Variants in COL22A1 observed in about 807,000 individuals in gnomAD.
The protein encoded by COL22A1 is collagen alpha-1(XXII) chain.
Under a neutral mutation model 248.9 loss-of-function variants are expected in COL22A1, and 221 were observed. That is an observed-to-expected ratio of 0.89 (90% CI 0.80 to 0.99). The LOEUF (loss-of-function observed/expected upper bound fraction) is 0.99, where lower values mean the gene tolerates loss of function less well. Ranked by LOEUF, COL22A1 falls within the 50% of genes least tolerant of loss-of-function variation. COL22A1 has a pLI of 0.00. For synonymous variants in COL22A1, 891 were observed against 793.4 expected, an observed-to-expected ratio of 1.12 and a Z score of -2.07; for missense variants, 2,240 against 2,179.0, an observed-to-expected ratio of 1.03 and a Z score of -0.56.
intron 63 of COL22A1, 30 bp from the exon 64 acceptor site, chr8:138,591,531 T>G: frequency 6.7e-7 from 1 of 1,499,450 alleles, no homozygotes; most frequent in Non-Finnish European, 9.0e-7. Context: ...CTTTTGATGG[T>G]GGAGACCCCC....
In COL22A1 at chr8:138,646,658, G is replaced by A. The variant is rs974638459; in HGVS notation, c.3472C>T (p.Pro1158Ser). 5 of 1,582,610 alleles carry A rather than the reference G, an allele frequency of 3.2e-6. No individual in the cohort carries two copies. In the Admixed American group the frequency reaches 8.9e-5, roughly 28 times the overall value. Residue 1158 changes from proline to serine, a missense_variant, in exon 47 of 65, where the codon CCA (proline) becomes TCA (serine). Coordinates refer to ENST00000303045, the MANE Select transcript of COL22A1 (RefSeq NM_152888.3). ...KKGEAGPPGL[P>S]GPPGIAGPQG... ...GGTCCAGCTATTCCTGGGGGCCCTG[G>A]TAGGCCTGGAGGCCCAGCCTCTCCC...
intron 16 of COL22A1, among the ~76,000 whole-genome samples, chr8:138,764,656 T>C (rs1833777731): frequency 6.6e-6 from 1 of 152,232 alleles, no homozygotes; most frequent in Non-Finnish European, 1.5e-5. Context: ...TCAATCACAA[T>C]TATACACTAA....
intron 16 of COL22A1, 122 bp from the exon 17 acceptor site, chr8:138,762,588 G>GAA: frequency 1.8e-6 from 1 of 551,050 alleles, no homozygotes. Flanking sequence ...AAACGCACGT[G>GAA]CACACACACA....
intron 16 of COL22A1, among the ~76,000 whole-genome samples, chr8:138,765,400 G>A (rs1833838024): frequency 6.6e-6 from 1 of 152,160 alleles, no homozygotes; most frequent in African/African-American, 2.4e-5. Context: ...GAAACTTAGC[G>A]GTGGTACCAG....
intron 14 of COL22A1, among the ~76,000 whole-genome samples, chr8:138,779,013 C>A (rs764219900): frequency 6.6e-6 from 1 of 152,190 alleles, no homozygotes; most frequent in Non-Finnish European, 1.5e-5. Context: ...TTTAATCTAT[C>A]CTACTGCAAT....
At chr8:138,820,103 T>C (rs1266486600) in intron 7 of COL22A1, among the ~76,000 whole-genome samples, 1 of 149,584 alleles carries the variant, frequency 6.7e-6, no homozygotes, top group Non-Finnish European at 1.5e-5. Flanking sequence ...TAAAAAAAAA[T>C]AAAAGCTTAG....
rs142943441 is a variant in COL22A1, at chr8:138,796,848, G to T, written c.1567C>A (p.Pro523Thr). Reference protein sequence around the residue: ...KGEKGDVGIGPFGQGEKGEKG... With the variant: ...KGEKGDVGIGTFGQGEKGEKG... ...TCACCCTTTTCCCCTTGGCCAAAAG[G>T]TCCTATGCCCTAGAAAAATGAAAGA... The change falls in exon 12 of 65, where the codon CCT becomes ACT. Residue 523 changes from proline to threonine, a missense_variant. Transcript: ENST00000303045. The T allele has an allele frequency of 6.9e-6, 11 of 1,599,220 alleles. No homozygotes were observed. The African/African-American group carries it at 9.4e-5, about 14-fold the overall frequency.
chr8:138,637,280 A>C (rs1821269516), intron 47 of COL22A1, among the ~76,000 whole-genome samples: 1 of 152,182 alleles, frequency 6.6e-6, no homozygotes, highest in South Asian at 2.1e-4. Context: ...CAGGCCTTGC[A>C]GAACAGGTGT....
chr8:138,710,862 A>C (rs1828905861), intron 30 of COL22A1, among the ~76,000 whole-genome samples: 1 of 152,164 alleles, frequency 6.6e-6, no homozygotes, highest in African/African-American at 2.4e-5. Flanking sequence ...AAGCTCCAGA[A>C]CCAATCTCAT....
At chr8:138,785,407 G>A (rs1315903402) in intron 12 of COL22A1, among the ~76,000 whole-genome samples, 1 of 152,134 alleles carries the variant, frequency 6.6e-6, no homozygotes, top group Non-Finnish European at 1.5e-5. Context: ...TACAACCCTA[G>A]GAATCAATGA....
chr8:138,707,832 G>A (rs1264544425), intron 30 of COL22A1, among the ~76,000 whole-genome samples: 1 of 152,192 alleles, frequency 6.6e-6, no homozygotes, highest in African/African-American at 2.4e-5. Context: ...ATTAGGAAAA[G>A]AGGAAGTCAA....
intron 18 of COL22A1, among the ~76,000 whole-genome samples, chr8:138,757,507 A>G (rs2131373177): frequency 6.6e-6 from 1 of 152,322 alleles, no homozygotes; most frequent in East Asian, 1.9e-4. Context: ...TATGAAATCA[A>G]TCAATCAACA....
In COL22A1 at chr8:138,605,909, G is replaced by A. The variant is rs74819433; in HGVS notation, c.4104+472C>T. Reference sequence around the variant, plus strand: ...AATCACTTACATGTTCTGACCCTACGGCTCAAACTTGCTCACCTTTACTAT... The same window carrying A: ...AATCACTTACATGTTCTGACCCTACAGCTCAAACTTGCTCACCTTTACTAT... On this transcript the variant is annotated intron_variant, in intron 58 of 64. Coordinates refer to ENST00000303045, the MANE Select transcript of COL22A1 (RefSeq NM_152888.3). Among the ~76,000 whole-genome samples the A allele has an allele frequency of 5.9e-3, 904 of 152,166 alleles. 14 individuals are homozygous for A. The highest frequency in any genetic ancestry group is 0.02 in the African/African-American group (825 of 41,512).
intron 59 of COL22A1, 104 bp downstream of exon 59, chr8:138,604,630 G>T: frequency 1.1e-6 from 1 of 918,772 alleles, no homozygotes; most frequent in Non-Finnish European, 1.8e-6. Context: ...GGTAGAGAGT[G>T]TTAAGGCAAG....
At chr8:138,779,788 G>A (rs1814794663) in intron 13 of COL22A1, among the ~76,000 whole-genome samples, 1 of 152,166 alleles carries the variant, frequency 6.6e-6, no homozygotes, top group African/African-American at 2.4e-5. Flanking sequence ...TAGAAACAGG[G>A]TCTGATTCTG....
intron 23 of COL22A1, among the ~76,000 whole-genome samples, chr8:138,730,889 G>T: frequency 6.6e-6 from 1 of 152,112 alleles, no homozygotes; most frequent in African/African-American, 2.4e-5. Context: ...AGATGGGAGG[G>T]GGAGGGGAGG....
chr8:138,654,136 G>T (rs1823000783), intron 45 of COL22A1, among the ~76,000 whole-genome samples: 1 of 152,170 alleles, frequency 6.6e-6, no homozygotes, highest in Admixed American at 6.5e-5. Context: ...ATAAAGATTG[G>T]GACATCTTGA....
At chr8:138,700,950 A>G (rs559208096) in intron 31 of COL22A1, among the ~76,000 whole-genome samples, 215 of 128,080 alleles carry the variant, frequency 1.7e-3, no homozygotes, top group African/African-American at 6.3e-3. Context: ...ACGCCACTGC[A>G]CTCCATCCAG....
Position 138,821,454 on chromosome 8 carries a change from C to A in COL22A1, c.970-43G>T, listed in dbSNP as rs1244939565. The stretch of plus-strand genomic sequence containing the variant: ...AGAGACTCCTTGAGCTTCTTGGGGC[C>A]AAGGGAAAAGGAGAGAATGGGAAAC... On this transcript the variant is annotated intron_variant, in intron 6 of 64. Transcript: ENST00000303045. 5 of 1,586,544 alleles carry A rather than the reference C, an allele frequency of 3.2e-6. No individual in the cohort carries two copies. In the South Asian group the frequency reaches 5.6e-5, roughly 18 times the overall value.
Sources: gnomAD v4.1 joint callset for allele counts (sites outside exome capture counted in the v4.1 genomes callset) on GRCh38, gnomAD v4.1.1 for gene constraint, MANE v1.5 for transcripts, NCBI Gene and HGNC (gene_info 2026-07-23, HGNC 2026-07-21) for gene names.